DSTN: variants seen among roughly 807,000 people sequenced by gnomAD.
DSTN encodes the protein destrin, actin depolymerizing factor, also known as destrin.
DSTN carries 10 observed loss-of-function variants against 16.8 expected under a neutral mutation model. The ratio of observed to expected loss-of-function variants is 0.60; its 90% CI spans 0.37 to 1.01. DSTN has a LOEUF of 1.01. DSTN is among the 50% of genes least tolerant of loss of function. The pLI, the probability that DSTN is intolerant of heterozygous loss-of-function variation, is 0.01. For missense variants in DSTN, 141 were observed against 196.7 expected (o/e 0.72, Z 1.69); for synonymous variants, 57 against 58.9 (o/e 0.97, Z 0.14).
intron 1 of DSTN, among the ~76,000 whole-genome samples, chr20:17,597,953 CT>C (rs1427165302): frequency 1.3e-5 from 2 of 152,106 alleles, no homozygotes; most frequent in African/African-American, 4.8e-5. Flanking sequence ...AATAGGTGCC[CT>C]TTTCTGTCTG....
intron 1 of DSTN, among the ~76,000 whole-genome samples, chr20:17,597,135 A>G (rs1476974754): frequency 2.0e-5 from 3 of 152,358 alleles, no homozygotes; most frequent in African/African-American, 7.2e-5. Context: ...TAACTTGCTT[A>G]ACATAAGATA....
intron 1 of DSTN, among the ~76,000 whole-genome samples, chr20:17,588,598 G>T (rs1217625364): frequency 6.6e-6 from 1 of 152,100 alleles, no homozygotes; most frequent in Admixed American, 6.6e-5. Context: ...TGGCTAACAT[G>T]GTGAAACCCC....
chr20:17,588,797 C>G (rs2035439195), intron 1 of DSTN, among the ~76,000 whole-genome samples: 1 of 152,038 alleles, frequency 6.6e-6, no homozygotes, highest in Non-Finnish European at 1.5e-5. Context: ...AAGAAGGAAC[C>G]TTTGTATCAT....
intron 1 of DSTN, among the ~76,000 whole-genome samples, chr20:17,578,678 T>A (rs1408079453): frequency 6.6e-6 from 1 of 152,120 alleles, no homozygotes; most frequent in East Asian, 1.9e-4. Flanking sequence ...GAGCAAGAAG[T>A]GGCCGGGCGT....
chr20:17,579,824 C>G (rs983070805), intron 1 of DSTN, among the ~76,000 whole-genome samples: 2 of 152,246 alleles, frequency 1.3e-5, no homozygotes, highest in Non-Finnish European at 2.9e-5. Flanking sequence ...ATGACACCTC[C>G]CTTTTGTCAT....
intron 3 of DSTN, among the ~76,000 whole-genome samples, chr20:17,606,489 T>C (rs2035644344): frequency 6.6e-6 from 1 of 152,236 alleles, no homozygotes; most frequent in African/African-American, 2.4e-5. Context: ...CAATCAAAAA[T>C]CATTTGTATT....
intron 3 of DSTN, chr20:17,604,970 A>G (rs1196703105): frequency 2.2e-6 from 1 of 453,520 alleles, no homozygotes; most frequent in African/African-American, 2.0e-5. Context: ...CATAATAGTA[A>G]ATTTGCTCTT....
At chr20:17,577,054 T>C (rs942371333) in intron 1 of DSTN, among the ~76,000 whole-genome samples, 21 of 152,232 alleles carry the variant, frequency 1.4e-4, no homozygotes, top group Non-Finnish European at 2.9e-4. Context: ...CATAGAATTA[T>C]TTAAAATATC....
chr20:17,578,432 A>C (rs1435202372), intron 1 of DSTN, among the ~76,000 whole-genome samples: 1 of 152,212 alleles, frequency 6.6e-6, no homozygotes. Context: ...GAATTAATTG[A>C]ATAGTACCTC....
intron 2 of DSTN, among the ~76,000 whole-genome samples, chr20:17,603,653 A>C (rs1221357237): frequency 6.6e-6 from 1 of 152,232 alleles, no homozygotes; most frequent in Non-Finnish European, 1.5e-5. Flanking sequence ...GTTGCTGCTG[A>C]AGGTGCTGTG....
chr20:17,603,108 C>A (rs1357165136), intron 2 of DSTN, among the ~76,000 whole-genome samples: 1 of 152,186 alleles, frequency 6.6e-6, no homozygotes. Context: ...TTCCCTGGAC[C>A]TTAGGATTGG....
intron 3 of DSTN, among the ~76,000 whole-genome samples, chr20:17,605,811 G>A (rs1010150034): frequency 6.6e-6 from 1 of 152,112 alleles, no homozygotes; most frequent in Non-Finnish European, 1.5e-5. Context: ...GATACTAAAA[G>A]ATAGTGGCCG....
chr20:17,605,543 A>G (rs2035632822), intron 3 of DSTN, among the ~76,000 whole-genome samples: 2 of 152,122 alleles, frequency 1.3e-5, no homozygotes, highest in Non-Finnish European at 2.9e-5. Flanking sequence ...TGTTTTACTT[A>G]GTTCGGAAAA....
rs754058560 is a variant in DSTN, at chr20:17,608,717, ATAT to A, written c.*1575_*1577del. On this transcript the variant is annotated 3_prime_UTR_variant, in exon 4 of 4. Coordinates refer to ENST00000246069, the MANE Select transcript of DSTN (RefSeq NM_006870.4). ...GTTTATTACACTATAAGTGTAATAA[ATAT>A]TATACAAAATTATAAATTCACATTT... 8 of 152,152 alleles carry A rather than the reference ATAT, an allele frequency of 5.3e-5. No individual in the cohort carries two copies. The highest frequency in any genetic ancestry group is 2.1e-4 in the South Asian group (1 of 4,830). The allele number at this position is 152,152 out of a possible 1,614,324, so 9.4% of individuals were successfully genotyped here.
At chr20:17,603,007 G>A (rs1193227075) in intron 2 of DSTN, among the ~76,000 whole-genome samples, 3 of 152,124 alleles carry the variant, frequency 2.0e-5, no homozygotes, top group African/African-American at 4.8e-5. Context: ...GTGACAGAGC[G>A]AGACTCCGCC....
chr20:17,607,496 G>A lies in DSTN; in HGVS notation c.*350G>A, dbSNP rs549614931. The A allele has an allele frequency of 5.4e-6, 1 of 184,968 alleles. No homozygotes were observed. 11.5% of individuals were successfully genotyped at this position (184,968 alleles called of 1,614,324 possible). On this transcript the variant is annotated 3_prime_UTR_variant, in exon 4 of 4. Coordinates refer to ENST00000246069, the MANE Select transcript of DSTN (RefSeq NM_006870.4). ...CCTCAGCATTTACTTTGTTTCTTTT[G>A]CTTAGGAAATTGCTCATAATCTGGT...
intron 1 of DSTN, among the ~76,000 whole-genome samples, chr20:17,577,516 G>A (rs2035291735): frequency 6.6e-6 from 1 of 151,326 alleles, no homozygotes; most frequent in East Asian, 1.9e-4. Context: ...GTGGTGAACC[G>A]AGATCACGCC....
chr20:17,577,084 C>G (rs186174134), intron 1 of DSTN, among the ~76,000 whole-genome samples: 1 of 152,250 alleles, frequency 6.6e-6, no homozygotes, highest in African/African-American at 2.4e-5. Flanking sequence ...AATTTTCAGG[C>G]TATGGGTATA....
rs369395133 is a variant in DSTN, at chr20:17,572,223, G to C, written c.3+2012G>C. 5.0e-4 allele frequency among the ~76,000 whole-genome samples: 76 copies of C among 152,312 alleles called. 1 individual carries two copies. The highest frequency in any genetic ancestry group is 1.8e-3 in the African/African-American group (73 of 41,566). Reference sequence around the variant, plus strand: ...AGAAGCACCTGAAATAAAGCAGTTTGAAACCAGCTGGGCGCTTCAGGATGA... The same window carrying C: ...AGAAGCACCTGAAATAAAGCAGTTTCAAACCAGCTGGGCGCTTCAGGATGA... On this transcript the variant is annotated intron_variant, in intron 1 of 3. Coordinates refer to ENST00000246069, the MANE Select transcript of DSTN (RefSeq NM_006870.4).
Sources: allele counts gnomAD v4.1 joint callset (sites outside exome capture counted in the v4.1 genomes callset), GRCh38; gene constraint gnomAD v4.1.1; transcripts MANE v1.5; gene names NCBI Gene and HGNC (gene_info 2026-07-23, HGNC 2026-07-21).